UNC5A: variants seen among roughly 807,000 people sequenced by gnomAD.
The protein encoded by UNC5A is unc-5 netrin receptor A.
UNC5A carries 20 observed loss-of-function variants against 87.4 expected under a neutral mutation model. That is an observed-to-expected ratio of 0.23 (90% CI 0.16 to 0.33). The LOEUF is 0.33. Among genes scored for constraint, UNC5A ranks in the 10% least tolerant of loss-of-function variants. The pLI is 1.00. For synonymous variants in UNC5A, 438 were observed against 482.3 expected (o/e 0.91, Z 1.20); for missense variants, 844 against 1,133.4 (o/e 0.74, Z 3.67).
intron 1 of UNC5A, among the ~76,000 whole-genome samples, chr5:176,852,878 G>A (rs1000028597): frequency 1.6e-4 from 25 of 152,360 alleles, no homozygotes; most frequent in Admixed American, 5.9e-4. Flanking sequence ...TGCTGGGACC[G>A]GTGGCAAGAC....
Position 176,880,777 on chromosome 5 carries a change from T to G in UNC5A, c.*891T>G. ...GTCATGTGAAGCTCGTGTCCTGACTTTGTCTTAAGTGCATTCACGCACTTA... is the reference window on the plus strand; with the variant it reads ...GTCATGTGAAGCTCGTGTCCTGACTGTGTCTTAAGTGCATTCACGCACTTA... On this transcript the variant is annotated 3_prime_UTR_variant, in exon 15 of 15. Transcript: ENST00000329542. 1.1e-5 allele frequency: 3 copies of G among 262,568 alleles called. No individual in the cohort carries two copies. The highest frequency in any genetic ancestry group is 1.1e-3 in the Middle Eastern group (1 of 884). The allele number at this position is 262,568 out of a possible 1,614,324, so 16.3% of individuals were successfully genotyped here.
chr5:176,850,241 A>G (rs982002729), intron 1 of UNC5A, among the ~76,000 whole-genome samples: 3 of 152,196 alleles, frequency 2.0e-5, no homozygotes, highest in African/African-American at 7.2e-5. Context: ...ACTTTAATAC[A>G]TGCACCTGGC....
chr5:176,878,342 C>T lies in UNC5A; in HGVS notation c.1968C>T (p.Ile656=), dbSNP rs1758319330. The T allele has an allele frequency of 1.9e-6, 3 of 1,613,634 alleles. No homozygotes were observed. Among genetic ancestry groups the T allele is most frequent in the Non-Finnish European group, 2.5e-6 (3 of 1,180,028 alleles). The part of the protein sequence containing the change: ...KDSYHNLRLS[I]HDVPSSLWKS... ...GTTACCACAACCTGCGCCTATCCAT[C>T]CACGATGTGCCCAGCTCCCTGTGGA... is the stretch of plus-strand genomic sequence containing the variant. The change falls in exon 12 of 15, where the codon ATC becomes ATT. Residue 656 remains isoleucine, a synonymous_variant. Coordinates refer to ENST00000329542, the MANE Select transcript of UNC5A (RefSeq NM_133369.3).
chr5:176,850,959 C>T (rs1188340310), intron 1 of UNC5A, among the ~76,000 whole-genome samples: 1 of 149,920 alleles, frequency 6.7e-6, no homozygotes, highest in Non-Finnish European at 1.5e-5. Flanking sequence ...TTCCAGTGCT[C>T]CCAGGACTTC....
chr5:176,880,019 C>G lies in UNC5A; in HGVS notation c.*133C>G. On this transcript the variant is annotated 3_prime_UTR_variant, in exon 15 of 15. Transcript: ENST00000329542. ...GGCCCCCTCCCGGCCGAAGCTGTCC[C>G]TTAATGCTGGTCCTTCAGACCCTGC... The G allele has an allele frequency of 8.1e-6, 10 of 1,238,712 alleles. No homozygotes were observed. Among genetic ancestry groups the G allele is most frequent in the Non-Finnish European group, 1.1e-5 (10 of 917,896 alleles). The allele number at this position is 1,238,712 out of a possible 1,614,324, so 76.7% of individuals were successfully genotyped here. A position where few individuals can be genotyped will look rare whatever the true frequency, so the allele number is the denominator to read the frequency against.
At chr5:176,851,585 C>T (rs970186687) in intron 1 of UNC5A, among the ~76,000 whole-genome samples, 5 of 152,244 alleles carry the variant, frequency 3.3e-5, no homozygotes, top group Admixed American at 2.6e-4. Flanking sequence ...ATCCCCGCGC[C>T]GGGGCCACAC....
chr5:176,856,516 G>A (rs1757670879), intron 1 of UNC5A, among the ~76,000 whole-genome samples: 1 of 152,224 alleles, frequency 6.6e-6, no homozygotes, highest in African/African-American at 2.4e-5. Flanking sequence ...CCTGCCCCCA[G>A]GGAGTTTATG....
In UNC5A at chr5:176,824,670, G is replaced by A. The variant is rs928222439; in HGVS notation, c.70+13850G>A. ...AGCAAGCCCATTTTCCTGGGTGGCT[G>A]GGGCTGGAACCTGGATGCCACTTTG... On this transcript the variant is annotated intron_variant, in intron 1 of 14. Coordinates refer to ENST00000329542, the MANE Select transcript of UNC5A (RefSeq NM_133369.3). This position sits in a 1 kb window ranked among gnomAD's most constrained non-coding sequence, Gnocchi z 4.2. Among the ~76,000 whole-genome samples, 1 of 152,216 alleles carries A rather than the reference G, an allele frequency of 6.6e-6. No homozygotes were observed. Among genetic ancestry groups the A allele is most frequent in the Non-Finnish European group, 1.5e-5 (1 of 68,032 alleles).
chr5:176,862,815 G>A lies in UNC5A; in HGVS notation c.262G>A (p.Val88Met), dbSNP rs1262320844. The change falls in exon 2 of 15, where the codon GTG (valine) becomes ATG (methionine). Residue 88 changes from valine (V) to methionine (M), a missense_variant. Coordinates refer to ENST00000329542, the MANE Select transcript of UNC5A (RefSeq NM_133369.3). Reference sequence around the variant, plus strand: ...GGAGTGGGTGCGCCAGGTGGACCACGTGATCGAGCGCAGCACAGACGGGAG... The same window carrying A: ...GGAGTGGGTGCGCCAGGTGGACCACATGATCGAGCGCAGCACAGACGGGAG... Reference protein sequence around the residue: ...NGEWVRQVDHVIERSTDGSSG... With the variant: ...NGEWVRQVDHMIERSTDGSSG... The A allele has an allele frequency of 8.1e-6, 13 of 1,613,282 alleles. No homozygotes were observed. Among genetic ancestry groups the A allele is most frequent in the Middle Eastern group, 1.7e-4 (1 of 6,044 alleles).
At position 176,873,959 on chromosome 5, in the gene UNC5A, C is replaced by G; in HGVS notation, c.887-9C>G. 6.2e-7 allele frequency: 1 copy of G among 1,611,528 alleles called. No individual in the cohort carries two copies. The highest frequency in any genetic ancestry group is 1.1e-5 in the South Asian group (1 of 90,992). On this transcript the variant is annotated splice_polypyrimidine_tract_variant and intron_variant, in intron 6 of 14. Transcript: ENST00000329542. ...CCTGCCCCCACCAAGGCCATGCTGT[C>G]TCCCGCAGCTGCTTCTGGCCCTGAG...
rs765510036 is a variant in UNC5A, at chr5:176,858,768, A to AAGGAAGGAAGGAAGGC, written c.71-3849_71-3848insAAGGAAGGCAGGAAGG. Among the ~76,000 whole-genome samples the AAGGAAGGAAGGAAGGC allele has an allele frequency of 1.2e-3, 161 of 135,832 alleles. 3 individuals carry two copies. The highest frequency in any genetic ancestry group is 3.8e-3 in the Middle Eastern group (1 of 266). The allele number at this position is 135,832 out of a possible 152,430, so 89.1% of individuals were successfully genotyped here. A position where few individuals can be genotyped will look rare whatever the true frequency, so the allele number is the denominator to read the frequency against. On this transcript the variant is annotated intron_variant, in intron 1 of 14. Coordinates refer to ENST00000329542, the MANE Select transcript of UNC5A (RefSeq NM_133369.3). The stretch of plus-strand genomic sequence containing the variant: ...GAAGGAAGGAAGGAAGGAAGGAAGG[A>AAGGAAGGAAGGAAGGC]AGGAAGGCAAGCAAGCAGGCAGGGA...
At chr5:176,842,078 T>G (rs1396109412) in intron 1 of UNC5A, among the ~76,000 whole-genome samples, 1 of 152,194 alleles carries the variant, frequency 6.6e-6, no homozygotes, top group Non-Finnish European at 1.5e-5. Flanking sequence ...GTGCCTGTAG[T>G]CCCAGCTACT....
chr5:176,810,819 G>C lies in UNC5A; in HGVS notation c.69G>C (p.Ser23=), dbSNP rs1756432100. Residue 23 remains serine (S), a splice_region_variant and synonymous_variant, in exon 1 of 15, where the codon TCG becomes TCC. Transcript: ENST00000329542. This position sits in a 1 kb window ranked among gnomAD's most constrained non-coding sequence, Gnocchi z 7.3. ...TCCTCGCCGCTTGGCTCCGCGGCTCGGGTGAGTCACGCCGCGCGCGCTCTG... is the reference window on the plus strand; with the variant it reads ...TCCTCGCCGCTTGGCTCCGCGGCTCCGGTGAGTCACGCCGCGCGCGCTCTG... ...GIVLAAWLRG[S]GAQQSATVAN... is the part of the protein sequence containing the mutation. The C allele has an allele frequency of 8.2e-7, 1 of 1,222,162 alleles. No individual in the cohort carries two copies. Among genetic ancestry groups the C allele is most frequent in the Non-Finnish European group, 1.0e-6 (1 of 981,548 alleles). The allele number at this position is 1,222,162 out of a possible 1,614,324, so 75.7% of individuals were successfully genotyped here.
At position 176,826,165 on chromosome 5, in the gene UNC5A, G is replaced by C. The variant is rs112413344; in HGVS notation, c.70+15345G>C. On this transcript the variant is annotated intron_variant, in intron 1 of 14. Coordinates refer to ENST00000329542, the MANE Select transcript of UNC5A (RefSeq NM_133369.3). ...CTTCCAGAGACGCACAGCAGGAGGGGCTGAGGGCACATTTGCTAGGGTTAG... is the reference window on the plus strand; with the variant it reads ...CTTCCAGAGACGCACAGCAGGAGGGCCTGAGGGCACATTTGCTAGGGTTAG... Among the ~76,000 whole-genome samples the C allele has an allele frequency of 2.8e-3, 428 of 152,352 alleles. 6 individuals are homozygous for C. The highest frequency in any genetic ancestry group is 9.7e-3 in the African/African-American group (405 of 41,572).
In UNC5A at chr5:176,819,851, T is replaced by C. The variant is rs527937393; in HGVS notation, c.70+9031T>C. On this transcript the variant is annotated intron_variant, in intron 1 of 14. Coordinates refer to ENST00000329542, the MANE Select transcript of UNC5A (RefSeq NM_133369.3). ...GGGTGGGCACAATCATCCTCAGATGTCATCAGCACATTTTGCCAGGTATTA... is the reference window on the plus strand; with the variant it reads ...GGGTGGGCACAATCATCCTCAGATGCCATCAGCACATTTTGCCAGGTATTA... 2.0e-5 allele frequency among the ~76,000 whole-genome samples: 3 copies of C among 152,346 alleles called. No homozygotes were observed. The East Asian group carries it at 5.8e-4, about 29-fold the overall frequency.
rs548391581 is a variant in UNC5A, at chr5:176,864,810, C to T, written c.292+1965C>T. 1.3e-5 allele frequency: 6 copies of T among 455,850 alleles called. No homozygotes were observed. In the East Asian group the frequency reaches 3.5e-4, roughly 26 times the overall value. The allele number at this position is 455,850 out of a possible 1,614,324, so 28.2% of individuals were successfully genotyped here. On this transcript the variant is annotated intron_variant, in intron 2 of 14. Transcript: ENST00000329542. Reference sequence around the variant, plus strand: ...GCAGTGATCCAGCTCTACCTCCTACCCTCAGAGGGAGATAGAGAGGGTTGG... The same window carrying T: ...GCAGTGATCCAGCTCTACCTCCTACTCTCAGAGGGAGATAGAGAGGGTTGG...
chr5:176,828,261 A>G (rs1056825598), intron 1 of UNC5A, among the ~76,000 whole-genome samples: 1 of 152,178 alleles, frequency 6.6e-6, no homozygotes, highest in Non-Finnish European at 1.5e-5. Flanking sequence ...ACATGAAATC[A>G]TTTCAATTTT....
At chr5:176,856,567 G>A (rs1229040486) in intron 1 of UNC5A, among the ~76,000 whole-genome samples, 2 of 152,238 alleles carry the variant, frequency 1.3e-5, no homozygotes, top group East Asian at 1.9e-4. Flanking sequence ...CCCTGGTCCT[G>A]AAGTGGCATT....
rs1161409629 is a variant in UNC5A at position 176,844,436 on chromosome 5, C to A, written c.71-18188C>A. On this transcript the variant is annotated intron_variant, in intron 1 of 14. Coordinates refer to ENST00000329542, the MANE Select transcript of UNC5A (RefSeq NM_133369.3). This position sits in a 1 kb window ranked among gnomAD's most constrained non-coding sequence, Gnocchi z 4.2. ...AGAGGCCAGGGGAAGTTTATGTCCA[C>A]CCACGGTGTCCCAGCTGAGCGAGAA... Among the ~76,000 whole-genome samples the A allele has an allele frequency of 6.6e-6, 1 of 152,142 alleles. No homozygotes were observed. The highest frequency in any genetic ancestry group is 1.9e-4 in the East Asian group (1 of 5,160).
Sources: gnomAD v4.1 joint callset for allele counts (sites outside exome capture counted in the v4.1 genomes callset) on GRCh38, gnomAD v4.1.1 for gene constraint, Gnocchi (gnomAD v3.1) non-coding constraint, MANE v1.5 for transcripts, NCBI Gene and HGNC (gene_info 2026-07-23, HGNC 2026-07-21) for gene names.